PGAM2: variants seen among roughly 807,000 people sequenced by gnomAD.
PGAM2 encodes the protein phosphoglycerate mutase 2, also known as BPG-dependent PGAM 2.
PGAM2 carries 23 observed loss-of-function variants against 22.5 expected under a neutral mutation model. That is an observed-to-expected ratio of 1.02 (90% CI 0.74 to 1.45). The LOEUF is 1.45. PGAM2 is among the 40% of genes most tolerant of loss of function. The pLI, the probability that PGAM2 is intolerant of heterozygous loss-of-function variation, is 0.00. For missense variants in PGAM2, 349 were observed against 356.2 expected (o/e 0.98, Z 0.16); for synonymous variants, 133 against 138.6 (o/e 0.96, Z 0.29).
intron 2 of PGAM2, 21 bp downstream of exon 2, chr7:44,064,808 CCAG>C: frequency 6.4e-7 from 1 of 1,553,276 alleles, no homozygotes; most frequent in Non-Finnish European, 8.8e-7. Context: ...CCCACCCTGC[CCAG>C]GCTCCTGAAG....
Position 44,062,835 on chromosome 7 carries a change from G to A in PGAM2, c.691C>T (p.Gln231Ter), listed in dbSNP as rs940696430. 6.2e-7 allele frequency: 1 copy of A among 1,614,234 alleles called. No individual in the cohort carries two copies. The highest frequency in any genetic ancestry group is 1.3e-5 in the African/African-American group (1 of 75,060). The change falls in exon 3 of 3, where the codon CAG becomes TAG. Residue 231 changes from glutamine to a stop codon, truncating the protein, a stop_gained. Coordinates refer to ENST00000297283, the MANE Select transcript of PGAM2 (RefSeq NM_000290.4). LOFTEE classifies it high-confidence loss of function. ...ACCGTTTCCTCATCACCCAGGAACT[G>A]CATGGGCTTGGTGGGCTTCAGCTCC... ...NKELKPTKPMQFLGDEETVRK... is the reference protein window; with the variant it reads ...NKELKPTKPM
rs558829258 is a variant in PGAM2, at chr7:44,064,844, T to C, written c.583A>G (p.Lys195Glu). ...AAGGTGGCCTCACCTTCCAGGTGCT[T>C]GACAATGCCCCGCAGGCTGTTCCCG... ...AHGNSLRGIV[K>E]HLEGMSDQAI... Residue 195 changes from lysine (K) to glutamate (E), a missense_variant, in exon 2 of 3, where the codon AAG becomes GAG. Transcript: ENST00000297283. 13 of 1,601,804 alleles carry C rather than the reference T, an allele frequency of 8.1e-6. No individual in the cohort carries two copies. Among genetic ancestry groups the C allele is most frequent in the Non-Finnish European group, 1.1e-5 (13 of 1,175,090 alleles).
intron 2 of PGAM2, 39 bp downstream of exon 2, chr7:44,064,793 G>GCCCCC: frequency 8.8e-7 from 1 of 1,136,978 alleles, no homozygotes; most frequent in Non-Finnish European, 1.3e-6. Context: ...TGGGGCTGCT[G>GCCCCC]CCCACCCACC....
chr7:44,063,256 A>T, intron 2 of PGAM2: 4 of 371,772 alleles, frequency 1.1e-5, no homozygotes, highest in South Asian at 6.4e-5. Flanking sequence ...AGGGACACTC[A>T]CCCTTTGTTT....
Position 44,065,011 on chromosome 7 carries a change from T to C in PGAM2, c.416A>G (p.Glu139Gly). 6.2e-7 allele frequency: 1 copy of C among 1,606,590 alleles called. No homozygotes were observed. The highest frequency in any genetic ancestry group is 8.5e-7 in the Non-Finnish European group (1 of 1,179,598). ...GGGCTTCAGGCCTGCGTACCGACGC[T>C]CCTGGGGGACACAGGCACGCTGCTT... ...KHPYYNSISK[E>G]RRYAGLKPGE... Residue 139 changes from glutamate to glycine, a missense_variant and splice_region_variant, in exon 2 of 3, where the codon GAG becomes GGG. Transcript: ENST00000297283.
At chr7:44,064,793 G>GCCCCCCCCCCC in intron 2 of PGAM2, 39 bp downstream of exon 2, 1 of 1,136,980 alleles carries the variant, frequency 8.8e-7, no homozygotes, top group Non-Finnish European at 1.3e-6. Context: ...TGGGGCTGCT[G>GCCCCCCCCCCC]CCCACCCACC....
intron 1 of PGAM2, 43 bp from the exon 2 acceptor site, chr7:44,065,055 G>C: frequency 6.2e-7 from 1 of 1,609,530 alleles, no homozygotes; most frequent in Non-Finnish European, 8.5e-7. Context: ...AAGCCAGTGG[G>C]CCCCCACCCG....
At position 44,065,099 on chromosome 7, in the gene PGAM2, C is replaced by T; in HGVS notation, c.414+17G>A. 1 of 1,613,462 alleles carries T rather than the reference C, an allele frequency of 6.2e-7. No individual in the cohort carries two copies. ...CTCTGCAGCTTCCCAGAGGCCTTCC[C>T]AGCAAAGGCAGCCCACCTTGCTAAT... is the stretch of plus-strand genomic sequence containing the variant. On this transcript the variant is annotated intron_variant, in intron 1 of 2. Transcript: ENST00000297283.
intron 2 of PGAM2, chr7:44,064,032 A>T (rs62458755): frequency 0.29 from 44,732 of 152,556 alleles, 7,186 homozygotes; most frequent in African/African-American, 0.42. Flanking sequence ...CAACTGCCCA[A>T]CGGCCCTAGG....
intron 2 of PGAM2, 84 bp downstream of exon 2, chr7:44,064,748 A>T: frequency 8.2e-7 from 1 of 1,221,102 alleles, no homozygotes; most frequent in Non-Finnish European, 1.2e-6. Flanking sequence ...AGCCTGGTCC[A>T]TGGGCGAGAG....
In PGAM2 at chr7:44,062,780, T is replaced by C; in HGVS notation, c.746A>G (p.Gln249Arg). Residue 249 changes from glutamine to arginine, a missense_variant, in exon 3 of 3, where the codon CAG (glutamine) becomes CGG (arginine). Coordinates refer to ENST00000297283, the MANE Select transcript of PGAM2 (RefSeq NM_000290.4). The part of the protein sequence containing the change: ...VRKAMEAVAA[Q>R]GKAK Reference sequence around the variant, plus strand: ...GCCCACCCCTCACTTGGCCTTGCCCTGGGCAGCCACAGCCTCCATGGCCTT... The same window carrying C: ...GCCCACCCCTCACTTGGCCTTGCCCCGGGCAGCCACAGCCTCCATGGCCTT... 2 of 1,614,208 alleles carry C rather than the reference T, an allele frequency of 1.2e-6. No individual in the cohort carries two copies. The highest frequency in any genetic ancestry group is 2.2e-5 in the East Asian group (1 of 44,880).
intron 2 of PGAM2, 39 bp downstream of exon 2, chr7:44,064,793 G>GGCCACCCCCCCCC: frequency 8.8e-7 from 1 of 1,136,982 alleles, no homozygotes; most frequent in Non-Finnish European, 1.3e-6. Context: ...TGGGGCTGCT[G>GGCCACCCCCCCCC]CCCACCCACC....
At chr7:44,064,063 C>T (rs992103711) in intron 2 of PGAM2, 1 of 152,528 alleles carries the variant, frequency 6.6e-6, no homozygotes, top group Non-Finnish European at 1.5e-5. Context: ...CTGGGGCACA[C>T]CCTTCTAGCC....
intron 2 of PGAM2, chr7:44,064,222 C>T (rs2096154751): frequency 6.4e-6 from 1 of 156,572 alleles, no homozygotes; most frequent in African/African-American, 2.4e-5. Flanking sequence ...CATTTGTCAG[C>T]CCTTGCTCTT....
chr7:44,065,174 A>G lies in PGAM2; in HGVS notation c.356T>C (p.Phe119Ser), dbSNP rs1307126910. ...GTCCATCGGGGGCGGCGGGATGTCG[A>G]AGGAGCGCCTCCAGATCTTCACCTG... is the stretch of plus-strand genomic sequence containing the variant. ...EEQVKIWRRS[F>S]DIPPPPMDEK... The change falls in exon 1 of 3, where the codon TTC becomes TCC. Residue 119 changes from phenylalanine (F) to serine (S), a missense_variant. Physicochemically the swap from Phe to Ser is radical, Grantham distance 155 (BLOSUM62 -2). Coordinates refer to ENST00000297283, the MANE Select transcript of PGAM2 (RefSeq NM_000290.4). 5 of 1,614,074 alleles carry G rather than the reference A, an allele frequency of 3.1e-6. No homozygotes were observed. The highest frequency in any genetic ancestry group is 1.7e-5 in the Admixed American group (1 of 60,022).
In PGAM2 at chr7:44,065,511, C is replaced by A. The variant is rs774293728; in HGVS notation, c.19G>T (p.Val7Leu). 6.2e-7 allele frequency: 1 copy of A among 1,613,918 alleles called. No individual in the cohort carries two copies. Among genetic ancestry groups the A allele is most frequent in the African/African-American group, 1.3e-5 (1 of 74,944 alleles). The change falls in exon 1 of 3, where the codon GTG becomes TTG. Residue 7 changes from valine to leucine, a missense_variant. Coordinates refer to ENST00000297283, the MANE Select transcript of PGAM2 (RefSeq NM_000290.4). The part of the protein sequence containing the change: MATHRL[V>L]MVRHGESTWN... ...GTGCTCTCGCCGTGCCGGACCATCACGAGGCGGTGAGTGGCCATGGTGGCA... is the reference window on the plus strand; with the variant it reads ...GTGCTCTCGCCGTGCCGGACCATCAAGAGGCGGTGAGTGGCCATGGTGGCA...
In PGAM2 at chr7:44,065,244, TG is replaced by T; in HGVS notation, c.285del (p.Thr96GlnfsTer17). The T allele has an allele frequency of 6.2e-7, 1 of 1,613,912 alleles. No individual in the cohort carries two copies. The highest frequency in any genetic ancestry group is 1.1e-5 in the South Asian group (1 of 91,084). Reference sequence around the variant, plus strand: ...GCCGTTTCTGCCTTGTTGAGGCCTGTGAGGCCCCCGTAATGCCGCTCATTGA... The same window carrying T: ...GCCGTTTCTGCCTTGTTGAGGCCTGTAGGCCCCCGTAATGCCGCTCATTGA... ...WRLNERHYGG[L>X]TGLNKAETAA... On this transcript the variant is annotated frameshift_variant, in exon 1 of 3. Coordinates refer to ENST00000297283, the MANE Select transcript of PGAM2 (RefSeq NM_000290.4). LOFTEE classifies it high-confidence loss of function.
At chr7:44,063,259 C>A in intron 2 of PGAM2, 1 of 381,358 alleles carries the variant, frequency 2.6e-6, no homozygotes, top group Non-Finnish European at 4.9e-6. Context: ...GACACTCACC[C>A]TTTGTTTTTT....
rs990564712 is a variant in PGAM2 at position 44,064,932 on chromosome 7, G to T, written c.495C>A (p.Pro165=). Reference sequence around the variant, plus strand: ...GGGGAACAATCTCCTCGTTCCAGAAGGGCAGGGCCCGGGCAATGGTGTCCT... The same window carrying T: ...GGGGAACAATCTCCTCGTTCCAGAATGGCAGGGCCCGGGCAATGGTGTCCT... ...SLKDTIARAL[P]FWNEEIVPQI... The change falls in exon 2 of 3, where the codon CCC becomes CCA. Residue 165 remains proline, a synonymous_variant. Transcript: ENST00000297283. 2.5e-6 allele frequency: 4 copies of T among 1,610,622 alleles called. No homozygotes were observed. The African/African-American group carries it at 4.0e-5, about 16-fold the overall frequency.
Sources: allele counts gnomAD v4.1 joint callset, GRCh38; gene constraint gnomAD v4.1.1; transcripts MANE v1.5; gene names NCBI Gene and HGNC (gene_info 2026-07-23, HGNC 2026-07-21).